IGFL1: variants seen among roughly 807,000 people sequenced by gnomAD.
The protein encoded by IGFL1 is IGF like family member 1, also known as insulin growth factor-like family member 1.
Under a neutral mutation model 16.0 loss-of-function variants are expected in IGFL1, and 16 were observed. That is an observed-to-expected ratio of 1.00 (90% confidence interval 0.68 to 1.52). The LOEUF is 1.52. Ranked by LOEUF, IGFL1 falls within the 40% of genes most tolerant of loss-of-function variation. The probability of loss-of-function intolerance (pLI) is 0.00; values close to 1 mark genes in which losing one functional copy is unlikely to be tolerated. For missense variants in IGFL1, 149 were observed against 141.7 expected (o/e 1.05, Z -0.26); for synonymous variants, 59 against 54.0 (o/e 1.09, Z -0.41).
rs1429362981 is a variant in IGFL1 at position 46,230,361 on chromosome 19, A to G, written c.167A>G (p.Tyr56Cys). The change falls in exon 3 of 4, where the codon TAT (tyrosine) becomes TGT (cysteine). Residue 56 changes from tyrosine to cysteine, a missense_variant. Coordinates refer to ENST00000437936, the MANE Select transcript of IGFL1 (RefSeq NM_198541.2). The part of the protein sequence containing the change: ...KFYDPLQHCC[Y>C]DDAVVPLART... Reference sequence around the variant, plus strand: ...TACGACCCCCTGCAGCACTGTTGCTATGATGATGCCGTCGTGCCCTTGGCC... The same window carrying G: ...TACGACCCCCTGCAGCACTGTTGCTGTGATGATGCCGTCGTGCCCTTGGCC... The G allele has an allele frequency of 1.2e-6, 2 of 1,613,910 alleles. No individual in the cohort carries two copies. The highest frequency in any genetic ancestry group is 2.7e-5 in the African/African-American group (2 of 74,920).
At position 46,229,885 on chromosome 19, in the gene IGFL1, C is replaced by T. The variant is rs936325928; in HGVS notation, c.25+86C>T. 3.4e-5 allele frequency: 50 copies of T among 1,455,934 alleles called. No homozygotes were observed. The Admixed American group carries it at 8.6e-4, about 25-fold the overall frequency. The allele number at this position is 1,455,934 out of a possible 1,614,324, so 90.2% of individuals were successfully genotyped here. On this transcript the variant is annotated intron_variant, in intron 1 of 3. Coordinates refer to ENST00000437936, the MANE Select transcript of IGFL1 (RefSeq NM_198541.2). ...GCTCTCTCCCTACCCCAAACTACAC[C>T]TCATCCCTGTTCCCATGCCCAGCCA...
chr19:46,231,211 G>A lies in IGFL1; in HGVS notation c.*381G>A. 3.1e-6 allele frequency: 1 copy of A among 325,202 alleles called. No homozygotes were observed. The allele number at this position is 325,202 out of a possible 1,614,324, so 20.1% of individuals were successfully genotyped here. ...TCTTCTATCCAGGAGCAAAGCACAGGATCATAATAAATTTATGTACTTTAT... is the reference window on the plus strand; with the variant it reads ...TCTTCTATCCAGGAGCAAAGCACAGAATCATAATAAATTTATGTACTTTAT... On this transcript the variant is annotated 3_prime_UTR_variant, in exon 4 of 4. Coordinates refer to ENST00000437936, the MANE Select transcript of IGFL1 (RefSeq NM_198541.2).
rs1370900898 is a variant in IGFL1, at chr19:46,230,291, TACCTGA to T, written c.98_103del (p.Tyr33_Met35delinsLeu). On this transcript the variant is annotated inframe_deletion, in exon 3 of 4. Transcript: ENST00000437936. Reference sequence around the variant, plus strand: ...TCCTCCAGTGGCCCCCATGACTCCTTACCTGATGCTGTGCCAGCCACACAAGAGATG... The same window carrying T: ...TCCTCCAGTGGCCCCCATGACTCCTTTGCTGTGCCAGCCACACAAGAGATG... The T allele has an allele frequency of 6.2e-7, 1 of 1,613,988 alleles. No homozygotes were observed.
At position 46,229,762 on chromosome 19, in the gene IGFL1, A is replaced by G. The variant is rs963384477; in HGVS notation, c.-13A>G. On this transcript the variant is annotated 5_prime_UTR_variant, in exon 1 of 4. Coordinates refer to ENST00000437936, the MANE Select transcript of IGFL1 (RefSeq NM_198541.2). ...CTGATCCCCTCCTCACTCCACTGCA[A>G]CCACCCAGAGCCATGGCTCCCCGAG... 12 of 1,603,254 alleles carry G rather than the reference A, an allele frequency of 7.5e-6. No individual in the cohort carries two copies. The African/African-American group carries it at 1.6e-4, about 22-fold the overall frequency.
chr19:46,230,007 C>A, intron 1 of IGFL1, 101 bp from the exon 2 acceptor site: 1 of 1,423,070 alleles, frequency 7.0e-7, no homozygotes, highest in Non-Finnish European at 9.9e-7. Context: ...CTGCTCAAAG[C>A]CATACCGAGC....
intron 1 of IGFL1, 88 bp downstream of exon 1, chr19:46,229,887 C>T: frequency 2.1e-6 from 3 of 1,444,112 alleles, no homozygotes; most frequent in Admixed American, 1.9e-5. Flanking sequence ...AACTACACCT[C>T]ATCCCTGTTC....
chr19:46,229,892 C>T, intron 1 of IGFL1, 93 bp downstream of exon 1: 1 of 1,429,390 alleles, frequency 7.0e-7, no homozygotes, highest in Non-Finnish European at 9.7e-7. Context: ...CACCTCATCC[C>T]TGTTCCCATG....
chr19:46,229,945 C>T (rs1967224481), intron 1 of IGFL1, 146 bp downstream of exon 1: 1 of 1,222,438 alleles, frequency 8.2e-7, no homozygotes, highest in South Asian at 1.3e-5. Context: ...AGCAATTCCC[C>T]ATCCATAGTG....
intron 1 of IGFL1, 36 bp downstream of exon 1, chr19:46,229,835 A>G (rs567129198): frequency 6.3e-7 from 1 of 1,592,644 alleles, no homozygotes; most frequent in African/African-American, 1.3e-5. Flanking sequence ...ACCTGAGCCC[A>G]TCTCCAATCT....
intron 1 of IGFL1, 38 bp from the exon 2 acceptor site, chr19:46,230,070 T>A (rs903866507): frequency 1.2e-6 from 2 of 1,605,796 alleles, no homozygotes; most frequent in African/African-American, 2.7e-5. Flanking sequence ...TATCTGTGGC[T>A]GTCCACTCAC....
At chr19:46,230,198 T>C in intron 2 of IGFL1, 37 bp downstream of exon 2, 1 of 1,613,484 alleles carries the variant, frequency 6.2e-7, no homozygotes, top group East Asian at 2.2e-5. Context: ...GGAGGAGGGG[T>C]ACACCTTCCA....
chr19:46,230,469 A>G lies in IGFL1; in HGVS notation c.275A>G (p.Asn92Ser). The G allele has an allele frequency of 6.2e-7, 1 of 1,613,948 alleles. No homozygotes were observed. Among genetic ancestry groups the G allele is most frequent in the Non-Finnish European group, 8.5e-7 (1 of 1,179,880 alleles). Residue 92 changes from asparagine (N) to serine (S), a missense_variant, in exon 3 of 4, where the codon AAC (asparagine) becomes AGC (serine). By Grantham distance (46) the Asn-to-Ser change is conservative. Coordinates refer to ENST00000437936, the MANE Select transcript of IGFL1 (RefSeq NM_198541.2). ...TGGACCTTCATGGTGAAGCTGATAA[A>G]CCAGAACTGCGACTCAGCCCGGACC... ...CPWTFMVKLINQNCDSARTSD... is the reference protein window; with the variant it reads ...CPWTFMVKLISQNCDSARTSD...
rs779470296 is a variant in IGFL1 at position 46,230,848 on chromosome 19, G to A, written c.*18G>A. ...TCAGCTAATGGAACATCAGGGGAAC[G>A]ATGACTCCTGGATTCTCCTTCCTGG... On this transcript the variant is annotated 3_prime_UTR_variant, in exon 4 of 4. Coordinates refer to ENST00000437936, the MANE Select transcript of IGFL1 (RefSeq NM_198541.2). 4.4e-6 allele frequency: 7 copies of A among 1,607,880 alleles called. No homozygotes were observed. Among genetic ancestry groups the A allele is most frequent in the Middle Eastern group, 1.6e-4 (1 of 6,080 alleles).
chr19:46,230,534 C>T lies in IGFL1; in HGVS notation c.323+17C>T. The T allele has an allele frequency of 1.2e-6, 2 of 1,612,074 alleles. No individual in the cohort carries two copies. The highest frequency in any genetic ancestry group is 1.7e-6 in the Non-Finnish European group (2 of 1,178,934). On this transcript the variant is annotated intron_variant, in intron 3 of 3. Transcript: ENST00000437936. ...TTGTCGCAGGTGAGTCCTGTCCCCT[C>T]CGTGGGATTGTGGGTGCAGGGTAGC...
rs369342919 is a variant in IGFL1 at position 46,230,365 on chromosome 19, T to A, written c.171T>A (p.Asp57Glu). The A allele has an allele frequency of 1.4e-5, 22 of 1,613,930 alleles. No homozygotes were observed. The Admixed American group carries it at 1.5e-4, about 11-fold the overall frequency. Reference sequence around the variant, plus strand: ...ACCCCCTGCAGCACTGTTGCTATGATGATGCCGTCGTGCCCTTGGCCAGGA... The same window carrying A: ...ACCCCCTGCAGCACTGTTGCTATGAAGATGCCGTCGTGCCCTTGGCCAGGA... ...FYDPLQHCCY[D>E]DAVVPLARTQ... Residue 57 changes from aspartate to glutamate, a missense_variant, in exon 3 of 4, where the codon GAT becomes GAA. Coordinates refer to ENST00000437936, the MANE Select transcript of IGFL1 (RefSeq NM_198541.2).
chr19:46,230,998 A>C lies in IGFL1; in HGVS notation c.*168A>C, dbSNP rs2286804. The C allele has an allele frequency of 0.47, 334,802 of 714,254 alleles. 80,508 individuals are homozygous for C. The highest frequency in any genetic ancestry group is 0.57 in the Middle Eastern group (1,814 of 3,160). 44.2% of individuals were successfully genotyped at this position (714,254 alleles called of 1,614,324 possible). A position where few individuals can be genotyped will look rare whatever the true frequency, so the allele number is the denominator to read the frequency against. ...GTGACCTGTCTGAGGCCCACCCTGCAGCTGCCCTGAGGAGGCCCACAGGTC... is the reference window on the plus strand; with the variant it reads ...GTGACCTGTCTGAGGCCCACCCTGCCGCTGCCCTGAGGAGGCCCACAGGTC... On this transcript the variant is annotated 3_prime_UTR_variant, in exon 4 of 4. Coordinates refer to ENST00000437936, the MANE Select transcript of IGFL1 (RefSeq NM_198541.2).
rs534859800 is a variant in IGFL1 at position 46,231,055 on chromosome 19, G to A, written c.*225G>A. ...TAGAATTCTGGACAGCATGAGATGCGTGTGCTGATGGGGGCCCAGGGACTC... is the reference window on the plus strand; with the variant it reads ...TAGAATTCTGGACAGCATGAGATGCATGTGCTGATGGGGGCCCAGGGACTC... On this transcript the variant is annotated 3_prime_UTR_variant, in exon 4 of 4. Coordinates refer to ENST00000437936, the MANE Select transcript of IGFL1 (RefSeq NM_198541.2). The A allele has an allele frequency of 2.3e-4, 139 of 616,880 alleles. No individual in the cohort carries two copies. The highest frequency in any genetic ancestry group is 1.9e-3 in the African/African-American group (107 of 54,920). The allele number at this position is 616,880 out of a possible 1,614,324, so 38.2% of individuals were successfully genotyped here. A position where few individuals can be genotyped will look rare whatever the true frequency, so the allele number is the denominator to read the frequency against.
At chr19:46,229,866 T>C in intron 1 of IGFL1, 67 bp downstream of exon 1, 1 of 1,527,474 alleles carries the variant, frequency 6.5e-7, no homozygotes, top group Non-Finnish European at 8.9e-7. Context: ...CAGGGCTCTC[T>C]CCCTACCCCA....
At position 46,229,810 on chromosome 19, in the gene IGFL1, C is replaced by G. The variant is rs1484171411; in HGVS notation, c.25+11C>G. ...GAGGCTGCATCGTAGGTAAGGAGGA[C>G]AGGACCCCATTCCCACCTGAGCCCA... On this transcript the variant is annotated intron_variant, in intron 1 of 3. Coordinates refer to ENST00000437936, the MANE Select transcript of IGFL1 (RefSeq NM_198541.2). 1.9e-6 allele frequency: 3 copies of G among 1,605,760 alleles called. No homozygotes were observed. Among genetic ancestry groups the G allele is most frequent in the South Asian group, 1.1e-5 (1 of 88,952 alleles).
Sources: gnomAD v4.1 joint callset for allele counts on GRCh38, gnomAD v4.1.1 for gene constraint, MANE v1.5 for transcripts, NCBI Gene and HGNC (gene_info 2026-07-23, HGNC 2026-07-21) for gene names.